The following ZFHX3 variants were observed in gnomAD, a reference collection of about 807,000 sequenced individuals.
ZFHX3 encodes zinc finger homeobox protein 3.
In ZFHX3, 42 loss-of-function variants were observed where a neutral mutation model predicts 279.1. That is an observed-to-expected ratio of 0.15 (90% CI 0.12 to 0.19). ZFHX3 has a LOEUF of 0.19. Among genes scored for constraint, ZFHX3 ranks in the 10% least tolerant of loss-of-function variants. The pLI is 1.00. For synonymous variants in ZFHX3, 2,293 were observed against 1,957.8 expected (o/e 1.17, Z -4.52); for missense variants, 4,981 against 4,754.0 (o/e 1.05, Z -1.40).
intron 4 of ZFHX3, among the ~76,000 whole-genome samples, chr16:73,295,402 G>C (rs761115442): frequency 6.6e-6 from 1 of 152,202 alleles, no homozygotes; most frequent in Non-Finnish European, 1.5e-5. Context: ...TGCTGGTTTG[G>C]AAAGAGTATC....
chr16:73,749,849 A>AGT (rs1375584672), intron 1 of ZFHX3, among the ~76,000 whole-genome samples: 45 of 152,222 alleles, frequency 3.0e-4, no homozygotes, highest in African/African-American at 1.1e-3. Flanking sequence ...GATGGCCCTG[A>AGT]ACTGTACCCT....
At chr16:73,284,084 C>T (rs1015221604) in intron 4 of ZFHX3, among the ~76,000 whole-genome samples, 14 of 151,882 alleles carry the variant, frequency 9.2e-5, no homozygotes, top group African/African-American at 2.9e-4. Flanking sequence ...TTTGGGGGGC[C>T]GAGGCGGGTG....
At chr16:73,369,890 C>T (rs1226070141) in intron 3 of ZFHX3, among the ~76,000 whole-genome samples, 4 of 152,042 alleles carry the variant, frequency 2.6e-5, no homozygotes, top group African/African-American at 4.8e-5. Flanking sequence ...AAAGCATATT[C>T]GAAGAGCCAA....
At chr16:73,391,383 C>G (rs191947356) in intron 3 of ZFHX3, among the ~76,000 whole-genome samples, 103 of 151,496 alleles carry the variant, frequency 6.8e-4, no homozygotes, top group Middle Eastern at 3.4e-3. Context: ...ACCCAGGAGG[C>G]AGAGGTTGCA....
intron 2 of ZFHX3, among the ~76,000 whole-genome samples, chr16:73,485,131 T>C (rs1293489469): frequency 6.6e-6 from 1 of 152,076 alleles, no homozygotes; most frequent in South Asian, 2.1e-4. Context: ...TGAAAATAGA[T>C]CAGGTCATAG....
At chr16:73,368,912 A>C (rs2016575558) in intron 3 of ZFHX3, among the ~76,000 whole-genome samples, 2 of 152,222 alleles carry the variant, frequency 1.3e-5, no homozygotes, top group South Asian at 4.1e-4. Flanking sequence ...AAGGTCACAC[A>C]GCTGATAAAT....
At chr16:72,861,888 G>C (rs2037900053) in intron 4 of ZFHX3, among the ~76,000 whole-genome samples, 1 of 152,080 alleles carries the variant, frequency 6.6e-6, no homozygotes. Context: ...GGTGGCATGA[G>C]CTTGTAATCC....
intron 3 of ZFHX3, among the ~76,000 whole-genome samples, chr16:72,929,835 T>C (rs1959690398): frequency 6.6e-6 from 1 of 152,246 alleles, no homozygotes; most frequent in Admixed American, 6.5e-5. Context: ...GCATCAATTA[T>C]GCTGAACCGA....
intron 2 of ZFHX3, among the ~76,000 whole-genome samples, chr16:73,516,400 C>CA (rs541467417): frequency 5.9e-4 from 90 of 152,232 alleles, no homozygotes; most frequent in African/African-American, 2.0e-3. Context: ...CACATATACA[C>CA]AAAAATATAT....
chr16:73,739,997 C>G (rs1342537793), intron 1 of ZFHX3, among the ~76,000 whole-genome samples: 3 of 152,140 alleles, frequency 2.0e-5, no homozygotes, highest in Non-Finnish European at 4.4e-5. Context: ...CAGTCCCTCT[C>G]AGGGACATCA....
chr16:73,690,200 C>G (rs111239800), intron 1 of ZFHX3, among the ~76,000 whole-genome samples: 2 of 151,992 alleles, frequency 1.3e-5, no homozygotes, highest in African/African-American at 4.8e-5. Flanking sequence ...TACACGTGGA[C>G]ATACACTATT....
intron 3 of ZFHX3, among the ~76,000 whole-genome samples, chr16:73,328,867 C>A (rs1013408174): frequency 7.2e-5 from 11 of 152,222 alleles, no homozygotes; most frequent in African/African-American, 1.9e-4. Context: ...CTTCATCTTT[C>A]TGATCTGTGC....
At chr16:73,187,659 C>T (rs1263881291) in intron 5 of ZFHX3, among the ~76,000 whole-genome samples, 1 of 152,158 alleles carries the variant, frequency 6.6e-6, no homozygotes, top group South Asian at 2.1e-4. Flanking sequence ...ATCCTCTAGA[C>T]CAGAAATGGA....
At chr16:73,763,111 G>C (rs2053890381) in intron 1 of ZFHX3, among the ~76,000 whole-genome samples, 1 of 151,972 alleles carries the variant, frequency 6.6e-6, no homozygotes, top group African/African-American at 2.4e-5. Context: ...TTAAGTCTGT[G>C]AAAATTAAGA....
intron 1 of ZFHX3, among the ~76,000 whole-genome samples, chr16:73,785,251 C>T (rs1188363569): frequency 6.6e-6 from 1 of 151,984 alleles, no homozygotes; most frequent in African/African-American, 2.4e-5. Context: ...TCTTTTGTAC[C>T]AACTTTTTGT....
intron 2 of ZFHX3, among the ~76,000 whole-genome samples, chr16:73,470,186 G>A (rs1224405707): frequency 1.3e-5 from 2 of 152,150 alleles, no homozygotes; most frequent in Admixed American, 6.5e-5. Flanking sequence ...TCTGAGTAGC[G>A]AGTTTGACGC....
At chr16:72,933,767 C>G (rs1323917457) in intron 3 of ZFHX3, among the ~76,000 whole-genome samples, 2 of 150,980 alleles carry the variant, frequency 1.3e-5, no homozygotes, top group Non-Finnish European at 3.0e-5. Flanking sequence ...TAAAAAGACC[C>G]AAACTCCAGT....
chr16:72,829,706 C>T (rs1251288427), intron 5 of ZFHX3, 73 bp downstream of exon 5: 1 of 1,547,684 alleles, frequency 6.5e-7, no homozygotes. Context: ...TCCATTCTTC[C>T]AGGGAAGGAA....
chr16:73,079,712 A>C (rs143806835), intron 8 of ZFHX3, among the ~76,000 whole-genome samples: 5 of 152,266 alleles, frequency 3.3e-5, no homozygotes, highest in Non-Finnish European at 7.3e-5. Flanking sequence ...GAACAAGAAC[A>C]GTAACACTTG....
Sources: allele counts gnomAD v4.1 joint callset (sites outside exome capture counted in the v4.1 genomes callset), GRCh38; gene constraint gnomAD v4.1.1; transcripts MANE v1.5; gene names NCBI Gene and HGNC (gene_info 2026-07-23, HGNC 2026-07-21).